The following PDE4B variants were observed in gnomAD, a reference collection of about 807,000 sequenced individuals.
PDE4B encodes phosphodiesterase 4B, also known as 3',5'-cyclic-AMP phosphodiesterase 4B.
Under a neutral mutation model 82.2 loss-of-function variants are expected in PDE4B, and 20 were observed. That is an observed-to-expected ratio of 0.24 (90% confidence interval 0.17 to 0.35). PDE4B has a LOEUF of 0.35. PDE4B is among the 10% of genes least tolerant of loss of function. PDE4B has a pLI of 1.00. For missense variants in PDE4B, 655 were observed against 907.2 expected, an observed-to-expected ratio of 0.72 and a Z score of 3.57; for synonymous variants, 320 against 318.9, an observed-to-expected ratio of 1.00 and a Z score of -0.04.
chr1:66,118,154 G>A (rs1645634609), intron 3 of PDE4B, among the ~76,000 whole-genome samples: 2 of 151,998 alleles, frequency 1.3e-5, no homozygotes, highest in South Asian at 4.2e-4. Context: ...TTGTTGATGG[G>A]GTTGTTTGTT....
chr1:66,171,198 A>T (rs1646830627), intron 3 of PDE4B, among the ~76,000 whole-genome samples: 1 of 152,182 alleles, frequency 6.6e-6, no homozygotes, highest in South Asian at 2.1e-4. Context: ...AATATCAGAG[A>T]CATTCAAGGA....
chr1:65,873,167 A>G (rs1395738451), intron 1 of PDE4B, among the ~76,000 whole-genome samples: 1 of 152,138 alleles, frequency 6.6e-6, no homozygotes, highest in Non-Finnish European at 1.5e-5. Context: ...CGTACTGACA[A>G]TTCAGAAAAG....
intron 7 of PDE4B, among the ~76,000 whole-genome samples, chr1:66,302,325 C>G (rs901879004): frequency 6.6e-6 from 1 of 152,200 alleles, no homozygotes; most frequent in Admixed American, 6.6e-5. Context: ...TGATGGTCAT[C>G]TTACTGTCAT....
chr1:66,132,264 A>G (rs924514935), intron 3 of PDE4B, among the ~76,000 whole-genome samples: 60 of 152,238 alleles, frequency 3.9e-4, no homozygotes, highest in African/African-American at 1.4e-3. Context: ...AGAGCACTAC[A>G]GTATAGCTGG....
intron 3 of PDE4B, among the ~76,000 whole-genome samples, chr1:66,105,079 C>T (rs1245144002): frequency 3.9e-5 from 6 of 152,082 alleles, no homozygotes; most frequent in African/African-American, 9.7e-5. Flanking sequence ...TTAGGTCTAA[C>T]GTTTATGTCT....
chr1:66,104,266 A>C (rs1178068701), intron 3 of PDE4B, among the ~76,000 whole-genome samples: 1 of 151,884 alleles, frequency 6.6e-6, no homozygotes, highest in Non-Finnish European at 1.5e-5. Flanking sequence ...AAGGACATGA[A>C]CTCAACCTTT....
At chr1:66,009,482 C>T (rs1652346309) in intron 3 of PDE4B, among the ~76,000 whole-genome samples, 1 of 152,150 alleles carries the variant, frequency 6.6e-6, no homozygotes, top group Non-Finnish European at 1.5e-5. Flanking sequence ...CCTTTAACAA[C>T]ATCCTATTTC....
At chr1:65,921,311 G>A (rs571650217) in intron 3 of PDE4B, among the ~76,000 whole-genome samples, 1 of 152,102 alleles carries the variant, frequency 6.6e-6, no homozygotes, top group South Asian at 2.1e-4. Flanking sequence ...AGCTTCCACT[G>A]GAATACTGAT....
At chr1:66,363,916 A>G (rs1199226015) in intron 12 of PDE4B, among the ~76,000 whole-genome samples, 2 of 152,202 alleles carry the variant, frequency 1.3e-5, no homozygotes, top group Non-Finnish European at 2.9e-5. Context: ...TAAAAAATGA[A>G]TGACATTTCT....
At chr1:66,095,961 A>G (rs1425266788) in intron 3 of PDE4B, among the ~76,000 whole-genome samples, 1 of 151,864 alleles carries the variant, frequency 6.6e-6, no homozygotes, top group South Asian at 2.1e-4. Flanking sequence ...TATAATGTGT[A>G]TTGATGAGAT....
chr1:66,191,904 A>G (rs529286614), intron 3 of PDE4B, among the ~76,000 whole-genome samples: 4 of 152,244 alleles, frequency 2.6e-5, no homozygotes, highest in African/African-American at 9.6e-5. Flanking sequence ...CTTATTCACT[A>G]CCTTGAGAAT....
chr1:66,170,427 T>C (rs1646816398), intron 3 of PDE4B, among the ~76,000 whole-genome samples: 1 of 152,202 alleles, frequency 6.6e-6, no homozygotes, highest in African/African-American at 2.4e-5. Context: ...GTGGAGTTTT[T>C]CTGTAAGAAT....
chr1:66,167,193 C>T (rs752739550), intron 3 of PDE4B, among the ~76,000 whole-genome samples: 2 of 144,938 alleles, frequency 1.4e-5, no homozygotes, highest in Non-Finnish European at 3.1e-5. Flanking sequence ...CAAGTTTACA[C>T]CTATGTTTAT....
At chr1:66,178,859 T>C (rs1646993557) in intron 3 of PDE4B, among the ~76,000 whole-genome samples, 1 of 152,196 alleles carries the variant, frequency 6.6e-6, no homozygotes, top group Non-Finnish European at 1.5e-5. Flanking sequence ...ACTTTTTTTT[T>C]CTTTTTTTTG....
At chr1:65,860,920 T>C (rs1646447351) in intron 1 of PDE4B, among the ~76,000 whole-genome samples, 1 of 152,230 alleles carries the variant, frequency 6.6e-6, no homozygotes, top group African/African-American at 2.4e-5. Context: ...TAAATTTGTT[T>C]AAATTCTTTG....
intron 3 of PDE4B, among the ~76,000 whole-genome samples, chr1:65,981,072 G>A (rs1028653207): frequency 2.0e-5 from 3 of 152,042 alleles, no homozygotes; most frequent in Non-Finnish European, 2.9e-5. Context: ...ATCTGACCTG[G>A]GAGGCCCCAA....
chr1:66,149,416 A>C (rs1646346843), intron 3 of PDE4B, among the ~76,000 whole-genome samples: 1 of 151,672 alleles, frequency 6.6e-6, no homozygotes, highest in African/African-American at 2.4e-5. Context: ...TTGTCTTTTT[A>C]CTCCCTTGAT....
At chr1:65,846,423 G>A (rs748169346) in intron 1 of PDE4B, among the ~76,000 whole-genome samples, 1 of 152,178 alleles carries the variant, frequency 6.6e-6, no homozygotes, top group Non-Finnish European at 1.5e-5. Flanking sequence ...TTGAGAAATC[G>A]TAGAACATGT....
chr1:66,157,417 A>T (rs749757038), intron 3 of PDE4B, among the ~76,000 whole-genome samples: 12 of 152,156 alleles, frequency 7.9e-5, no homozygotes, highest in Non-Finnish European at 1.5e-4. Context: ...TTACATTCTG[A>T]TGAAAACCCA....
Sources: gnomAD v4.1 joint callset for allele counts (sites outside exome capture counted in the v4.1 genomes callset) on GRCh38, gnomAD v4.1.1 for gene constraint, MANE v1.5 for transcripts, NCBI Gene and HGNC (gene_info 2026-07-23, HGNC 2026-07-21) for gene names.